CNTNAP2: variants seen among roughly 807,000 people sequenced by gnomAD.
CNTNAP2 encodes the protein contactin associated protein 2.
CNTNAP2 carries 98 observed loss-of-function variants against 155.2 expected under a neutral mutation model. The observed-to-expected ratio is 0.63, with a 90% CI of 0.54 to 0.75. The LOEUF (loss-of-function observed/expected upper bound fraction) is 0.75, where lower values mean the gene tolerates loss of function less well. Among genes scored for constraint, CNTNAP2 ranks in the 30% least tolerant of loss-of-function variants. CNTNAP2 has a pLI of 0.00. For synonymous variants in CNTNAP2, 651 were observed against 631.2 expected (o/e 1.03, Z -0.47); for missense variants, 1,727 against 1,688.1 (o/e 1.02, Z -0.40).
At chr7:147,768,354 A>G (rs987420773) in intron 13 of CNTNAP2, among the ~76,000 whole-genome samples, 2 of 152,124 alleles carry the variant, frequency 1.3e-5, no homozygotes, top group Non-Finnish European at 2.9e-5. Flanking sequence ...TGGCTGAACA[A>G]TTCATATTAA....
intron 16 of CNTNAP2, among the ~76,000 whole-genome samples, chr7:148,137,728 G>T (rs1804988868): frequency 7.2e-6 from 1 of 138,418 alleles, no homozygotes; most frequent in African/African-American, 2.8e-5. Flanking sequence ...AAGGAAGGAA[G>T]GAAGGAAGGT....
chr7:146,765,053 A>G (rs1325686932), intron 1 of CNTNAP2, among the ~76,000 whole-genome samples: 3 of 152,170 alleles, frequency 2.0e-5, no homozygotes, highest in South Asian at 4.1e-4. Flanking sequence ...TAGATTTTCA[A>G]TGATACAGAA....
chr7:147,951,057 T>A (rs1563145887), intron 14 of CNTNAP2, among the ~76,000 whole-genome samples: 1 of 152,206 alleles, frequency 6.6e-6, no homozygotes, highest in Admixed American at 6.5e-5. Context: ...TGAATTCCCA[T>A]GTCCATTTAA....
rs555911541 is a variant in CNTNAP2, at chr7:146,269,700, T to G, written c.97+152727T>G. Reference sequence around the variant, plus strand: ...CATAACAACCGAAAGGGTAAACATATTTAAATAATTACTTAAACAAATGTA... The same window carrying G: ...CATAACAACCGAAAGGGTAAACATAGTTAAATAATTACTTAAACAAATGTA... On this transcript the variant is annotated intron_variant, in intron 1 of 23. Transcript: ENST00000361727. 1.6e-4 allele frequency among the ~76,000 whole-genome samples: 25 copies of G among 152,320 alleles called. No homozygotes were observed. The East Asian group carries it at 3.3e-3, about 20-fold the overall frequency.
At chr7:146,348,861 A>G (rs2129098166) in intron 1 of CNTNAP2, among the ~76,000 whole-genome samples, 1 of 149,048 alleles carries the variant, frequency 6.7e-6, no homozygotes, top group South Asian at 2.1e-4. Flanking sequence ...TTAATTTATA[A>G]CTATTGTATA....
chr7:147,773,780 C>T (rs1309623287), intron 13 of CNTNAP2, among the ~76,000 whole-genome samples: 2 of 152,110 alleles, frequency 1.3e-5, no homozygotes, highest in Non-Finnish European at 2.9e-5. Flanking sequence ...CCAGATCTTG[C>T]CCCACTCTCT....
chr7:147,293,952 C>T (rs1033327971), intron 8 of CNTNAP2, among the ~76,000 whole-genome samples: 6 of 152,148 alleles, frequency 3.9e-5, no homozygotes, highest in South Asian at 2.1e-4. Context: ...CAAAGATGTT[C>T]GTTTTAGGTT....
At chr7:146,969,242 A>G (rs1337361398) in intron 3 of CNTNAP2, among the ~76,000 whole-genome samples, 2 of 152,058 alleles carry the variant, frequency 1.3e-5, no homozygotes, top group Admixed American at 6.6e-5. Context: ...TATGTGGTCA[A>G]TTTTGGAATA....
chr7:147,344,392 G>A (rs1795813688), intron 9 of CNTNAP2, among the ~76,000 whole-genome samples: 1 of 152,018 alleles, frequency 6.6e-6, no homozygotes, highest in African/African-American at 2.4e-5. Context: ...AGGATAAATT[G>A]AACTGGCTGA....
rs773196272 is a variant in CNTNAP2, at chr7:146,421,184, T to C, written c.97+304211T>C. 1.8e-4 allele frequency among the ~76,000 whole-genome samples: 28 copies of C among 152,062 alleles called. 1 individual carries two copies. The highest frequency in any genetic ancestry group is 2.9e-4 in the Non-Finnish European group (20 of 67,944). On this transcript the variant is annotated intron_variant, in intron 1 of 23. Coordinates refer to ENST00000361727, the MANE Select transcript of CNTNAP2 (RefSeq NM_014141.6). ...CTCCTCTTAAAATGATGAAACCATA[T>C]AATGGAATTTATTTTGAAATTGACC...
chr7:146,148,541 T>C (rs930672092), intron 1 of CNTNAP2, among the ~76,000 whole-genome samples: 4 of 152,168 alleles, frequency 2.6e-5, no homozygotes, highest in African/African-American at 9.6e-5. Context: ...GTAACATTGC[T>C]CTGTTTCCTA....
chr7:147,922,804 G>A (rs944353994), intron 14 of CNTNAP2, among the ~76,000 whole-genome samples: 3 of 152,062 alleles, frequency 2.0e-5, no homozygotes, highest in Non-Finnish European at 4.4e-5. Flanking sequence ...TATGAGAAGT[G>A]GTTTTGAATT....
chr7:146,417,949 T>TGC (rs11281096), intron 1 of CNTNAP2, among the ~76,000 whole-genome samples: 64,225 of 151,736 alleles, frequency 0.42, 16,531 homozygotes, highest in African/African-American at 0.73. Flanking sequence ...GTTTACCAGA[T>TGC]ACACTGTTCT....
At chr7:146,655,225 C>G (rs1035116770) in intron 1 of CNTNAP2, among the ~76,000 whole-genome samples, 6 of 151,608 alleles carry the variant, frequency 4.0e-5, no homozygotes, top group African/African-American at 7.3e-5. Context: ...CCAGCCCAAC[C>G]AACATGGCAA....
chr7:148,321,567 A>G (rs1797790359), intron 21 of CNTNAP2, among the ~76,000 whole-genome samples: 1 of 152,250 alleles, frequency 6.6e-6, no homozygotes. Context: ...AGCAATACAT[A>G]TATTGTATCC....
intron 1 of CNTNAP2, among the ~76,000 whole-genome samples, chr7:146,471,459 C>G (rs1796797933): frequency 6.6e-6 from 1 of 152,226 alleles, no homozygotes; most frequent in African/African-American, 2.4e-5. Flanking sequence ...GGAGAAATAG[C>G]TGCTGGGTTT....
intron 1 of CNTNAP2, among the ~76,000 whole-genome samples, chr7:146,728,225 G>T (rs1301501094): frequency 6.6e-6 from 1 of 151,894 alleles, no homozygotes; most frequent in Non-Finnish European, 1.5e-5. Context: ...AAAATGCATA[G>T]AATAATAATA....
intron 20 of CNTNAP2, among the ~76,000 whole-genome samples, chr7:148,254,094 A>C (rs1796418860): frequency 6.6e-6 from 1 of 152,090 alleles, no homozygotes; most frequent in South Asian, 2.1e-4. Flanking sequence ...ATCATCTTCA[A>C]ATAAAGTCCT....
chr7:148,108,988 G>A (rs1438243070), intron 15 of CNTNAP2, among the ~76,000 whole-genome samples: 1 of 152,134 alleles, frequency 6.6e-6, no homozygotes, highest in East Asian at 1.9e-4. Flanking sequence ...TTCTAAAAAA[G>A]CATTAGTACC....
Sources: gnomAD v4.1 joint callset for allele counts (sites outside exome capture counted in the v4.1 genomes callset) on GRCh38, gnomAD v4.1.1 for gene constraint, MANE v1.5 for transcripts, NCBI Gene and HGNC (gene_info 2026-07-23, HGNC 2026-07-21) for gene names.